GNA14: variants seen among roughly 807,000 people sequenced by gnomAD.
The protein encoded by GNA14 is guanine nucleotide-binding protein subunit alpha-14.
GNA14 carries 50 observed loss-of-function variants against 42.0 expected under a neutral mutation model. The observed-to-expected ratio is 1.19, with a 90% CI of 0.95 to 1.51. The LOEUF (loss-of-function observed/expected upper bound fraction) is 1.51. Ranked by LOEUF, GNA14 falls within the 40% of genes most tolerant of loss-of-function variation. The pLI, the probability that GNA14 is intolerant of heterozygous loss-of-function variation, is 0.00. For synonymous variants in GNA14, 173 were observed against 163.1 expected (o/e 1.06, Z -0.46); for missense variants, 473 against 446.2 (o/e 1.06, Z -0.54).
intron 1 of GNA14, chr9:77,580,607 T>C: frequency 4.2e-6 from 2 of 479,858 alleles, no homozygotes; most frequent in Non-Finnish European, 8.2e-6. Flanking sequence ...ATGTTCAGGC[T>C]TGCCCTGCTC....
At chr9:77,579,658 CCCCATATA>C (rs1823184620) in intron 1 of GNA14, among the ~76,000 whole-genome samples, 2 of 152,094 alleles carry the variant, frequency 1.3e-5, no homozygotes, top group South Asian at 2.1e-4. Flanking sequence ...CTACATTTCC[CCCCATATA>C]GACATTTCAA....
At chr9:77,442,495 T>A (rs2131697778) in intron 2 of GNA14, among the ~76,000 whole-genome samples, 1 of 152,360 alleles carries the variant, frequency 6.6e-6, no homozygotes, top group Middle Eastern at 3.4e-3. Context: ...GGGGCTTCTG[T>A]CGACTCTGGA....
intron 1 of GNA14, among the ~76,000 whole-genome samples, chr9:77,620,833 G>C (rs1823909145): frequency 7.3e-6 from 1 of 137,240 alleles, no homozygotes; most frequent in Non-Finnish European, 1.5e-5. Context: ...GGGCAACAGA[G>C]GGAGAATCTT....
intron 1 of GNA14, among the ~76,000 whole-genome samples, chr9:77,617,223 G>A (rs548337569): frequency 2.0e-5 from 3 of 152,184 alleles, no homozygotes; most frequent in South Asian, 2.1e-4. Flanking sequence ...TTATAAAGAT[G>A]TAGCAACCTG....
At chr9:77,487,790 T>C (rs1836686213) in intron 2 of GNA14, among the ~76,000 whole-genome samples, 1 of 152,210 alleles carries the variant, frequency 6.6e-6, no homozygotes, top group African/African-American at 2.4e-5. Flanking sequence ...TAGAAGTACC[T>C]ACCACTGAAG....
At chr9:77,595,788 T>C (rs995284230) in intron 1 of GNA14, among the ~76,000 whole-genome samples, 1 of 151,748 alleles carries the variant, frequency 6.6e-6, no homozygotes, top group African/African-American at 2.4e-5. Context: ...ATTGCAACCA[T>C]TGTATTCTCT....
chr9:77,477,519 A>C (rs1447026186), intron 2 of GNA14, among the ~76,000 whole-genome samples: 1 of 152,214 alleles, frequency 6.6e-6, no homozygotes, highest in African/African-American at 2.4e-5. Flanking sequence ...ACTAATAATT[A>C]CAGGCATTTG....
rs184534822 is a variant in GNA14, at chr9:77,438,347, A to G, written c.310-3825T>C. 2.5e-3 allele frequency among the ~76,000 whole-genome samples: 379 copies of G among 152,012 alleles called. 3 individuals are homozygous for G. The highest frequency in any genetic ancestry group is 8.4e-3 in the African/African-American group (350 of 41,448). On this transcript the variant is annotated intron_variant, in intron 2 of 6. Transcript: ENST00000341700. Reference sequence around the variant, plus strand: ...AACGGCGCGATCTCAGCTCAATGCAATCTCCGCCCCACCGGGTTCAAGCAA... The same window carrying G: ...AACGGCGCGATCTCAGCTCAATGCAGTCTCCGCCCCACCGGGTTCAAGCAA...
chr9:77,446,987 G>A lies in GNA14; in HGVS notation c.310-12465C>T, dbSNP rs1451549470. 6.0e-5 allele frequency among the ~76,000 whole-genome samples: 9 copies of A among 149,750 alleles called. No homozygotes were observed. The South Asian group carries it at 1.1e-3, about 18-fold the overall frequency. On this transcript the variant is annotated intron_variant, in intron 2 of 6. Transcript: ENST00000341700. ...TACAATTTTTTTTTTTTTTTGAGAC[G>A]GAGTTTCATTCTGTTGCCCAGGCTG...
At position 77,424,847 on chromosome 9, in the gene GNA14, G is replaced by A. The variant is rs556530650; in HGVS notation, c.878-678C>T. 1.5e-3 allele frequency among the ~76,000 whole-genome samples: 233 copies of A among 152,248 alleles called. 1 individual carries two copies. The highest frequency in any genetic ancestry group is 2.5e-3 in the Non-Finnish European group (170 of 68,014). On this transcript the variant is annotated intron_variant, in intron 6 of 6. Transcript: ENST00000341700. Reference sequence around the variant, plus strand: ...TAACATCAGGCTGATTTTAAAGCTCGAGGGTGCTACACTACACAGCCAGTA... The same window carrying A: ...TAACATCAGGCTGATTTTAAAGCTCAAGGGTGCTACACTACACAGCCAGTA...
chr9:77,648,031 G>A lies in GNA14; in HGVS notation c.-238C>T. The stretch of plus-strand genomic sequence containing the variant: ...GAACGCTCGAGTGCACCCCGGATCC[G>A]GGCTCAGCCCGCCCCACTCTCGCTC... On this transcript the variant is annotated 5_prime_UTR_variant, in exon 1 of 7. Coordinates refer to ENST00000341700, the MANE Select transcript of GNA14 (RefSeq NM_004297.4). The A allele has an allele frequency of 1.9e-6, 1 of 527,532 alleles. No homozygotes were observed. Among genetic ancestry groups the A allele is most frequent in the Non-Finnish European group, 3.3e-6 (1 of 303,302 alleles). The allele number at this position is 527,532 out of a possible 1,614,324, so 32.7% of individuals were successfully genotyped here. A position where few individuals can be genotyped will look rare whatever the true frequency, so the allele number is the denominator to read the frequency against.
intron 1 of GNA14, among the ~76,000 whole-genome samples, chr9:77,628,611 C>T (rs1282732675): frequency 6.6e-6 from 1 of 151,978 alleles, no homozygotes; most frequent in Non-Finnish European, 1.5e-5. Flanking sequence ...GATCCTTGAC[C>T]AACCCGACAA....
chr9:77,459,230 A>G (rs917634543), intron 2 of GNA14, among the ~76,000 whole-genome samples: 4 of 137,730 alleles, frequency 2.9e-5, no homozygotes, highest in African/African-American at 1.2e-4. Context: ...AGTGAGACCC[A>G]GTCTCAGGGA....
chr9:77,474,592 T>C (rs1836387289), intron 2 of GNA14, among the ~76,000 whole-genome samples: 1 of 152,180 alleles, frequency 6.6e-6, no homozygotes, highest in Admixed American at 6.5e-5. Flanking sequence ...AGTTTGACAT[T>C]TCCTCACCTA....
chr9:77,605,075 C>G (rs117940333), intron 1 of GNA14, among the ~76,000 whole-genome samples: 9,378 of 152,318 alleles, frequency 0.062, 451 homozygotes, highest in South Asian at 0.18. Context: ...GTCACTGTAA[C>G]TTGGTATTTA....
intron 1 of GNA14, among the ~76,000 whole-genome samples, chr9:77,591,919 T>G (rs1362369567): frequency 5.1e-5 from 1 of 19,708 alleles, no homozygotes; most frequent in African/African-American, 1.8e-4. Flanking sequence ...TGTTTTTTGG[T>G]TTTTTTTTTT....
intron 2 of GNA14, among the ~76,000 whole-genome samples, chr9:77,444,549 T>TG (rs1316635548): frequency 6.6e-6 from 1 of 152,178 alleles, no homozygotes; most frequent in African/African-American, 2.4e-5. Context: ...AGCCTGCCCT[T>TG]GCTCTTCCCT....
intron 1 of GNA14, among the ~76,000 whole-genome samples, chr9:77,629,804 A>G (rs79048056): frequency 2.0e-5 from 3 of 152,184 alleles, no homozygotes; most frequent in Admixed American, 2.0e-4. Context: ...GGTGCAGCAA[A>G]CCACCATGGC....
intron 1 of GNA14, among the ~76,000 whole-genome samples, chr9:77,638,928 G>A (rs1824219213): frequency 6.6e-6 from 1 of 152,144 alleles, no homozygotes; most frequent in Admixed American, 6.5e-5. Flanking sequence ...TCATAGCCCT[G>A]TAGAATAAAG....
Sources: gnomAD v4.1 joint callset for allele counts (sites outside exome capture counted in the v4.1 genomes callset) on GRCh38, gnomAD v4.1.1 for gene constraint, MANE v1.5 for transcripts, NCBI Gene and HGNC (gene_info 2026-07-23, HGNC 2026-07-21) for gene names.